UBN1: variants seen among roughly 807,000 people sequenced by gnomAD.
The protein encoded by UBN1 is ubinuclein-1.
In UBN1, 17 loss-of-function variants were observed where a neutral mutation model predicts 108.5. The observed-to-expected ratio is 0.16, with a 90% confidence interval of 0.11 to 0.24. The LOEUF (loss-of-function observed/expected upper bound fraction) is 0.24, where lower values mean the gene tolerates loss of function less well. Among genes scored for constraint, UBN1 ranks in the 10% least tolerant of loss-of-function variants. UBN1 has a pLI of 1.00. For missense variants in UBN1, 1,595 were observed against 1,394.4 expected, an observed-to-expected ratio of 1.14 and a Z score of -2.29; for synonymous variants, 726 against 564.2, an observed-to-expected ratio of 1.29 and a Z score of -4.07.
chr16:4,859,549 C>G (rs1384512115), intron 5 of UBN1, among the ~76,000 whole-genome samples: 5 of 152,196 alleles, frequency 3.3e-5, no homozygotes, highest in Non-Finnish European at 5.9e-5. Flanking sequence ...GCCTTAGGAT[C>G]AGTGTGTTTA....
chr16:4,857,922 G>T (rs2086887061), intron 2 of UBN1, 68 bp from the exon 3 acceptor site: 17 of 1,202,188 alleles, frequency 1.4e-5, no homozygotes, highest in South Asian at 6.4e-5. Flanking sequence ...AGTAATCAGT[G>T]AAGTTTCTAT....
chr16:4,882,121 C>G lies in UBN1; in HGVS notation c.*1989C>G, dbSNP rs2088090708. 1 of 152,500 alleles carries G rather than the reference C, an allele frequency of 6.6e-6. No individual in the cohort carries two copies. Among genetic ancestry groups the G allele is most frequent in the Non-Finnish European group, 1.5e-5 (1 of 68,038 alleles). 9.4% of individuals were successfully genotyped at this position (152,500 alleles called of 1,614,324 possible). A position where few individuals can be genotyped will look rare whatever the true frequency, so the allele number is the denominator to read the frequency against. On this transcript the variant is annotated 3_prime_UTR_variant, in exon 18 of 18. Coordinates refer to ENST00000262376, the MANE Select transcript of UBN1 (RefSeq NM_001079514.3). ...AGAGCGAATGACTGAACAGCCATGGCAAGGCAGACCTACAGGCGAGGCCGC... is the reference window on the plus strand; with the variant it reads ...AGAGCGAATGACTGAACAGCCATGGGAAGGCAGACCTACAGGCGAGGCCGC...
intron 2 of UBN1, among the ~76,000 whole-genome samples, chr16:4,855,335 C>G (rs2086751930): frequency 6.6e-6 from 1 of 151,994 alleles, no homozygotes; most frequent in South Asian, 2.1e-4. Flanking sequence ...GTTTTCTTGG[C>G]CTGGCATAGT....
chr16:4,880,144 G>T lies in UBN1; in HGVS notation c.*12G>T. 6.2e-7 allele frequency: 1 copy of T among 1,613,946 alleles called. No individual in the cohort carries two copies. Among genetic ancestry groups the T allele is most frequent in the Non-Finnish European group, 8.5e-7 (1 of 1,179,944 alleles). ...CACGGAAATTGTGACCGCTTCAGAG[G>T]CAAGGCTTGCCACTTGGGTCTGGGT... On this transcript the variant is annotated 3_prime_UTR_variant, in exon 18 of 18. Transcript: ENST00000262376.
Position 4,858,671 on chromosome 16 carries a change from G to C in UBN1, c.432+8G>C, listed in dbSNP as rs1174625640. 2 of 1,613,708 alleles carry C rather than the reference G, an allele frequency of 1.2e-6. No homozygotes were observed. Among genetic ancestry groups the C allele is most frequent in the Non-Finnish European group, 1.7e-6 (2 of 1,179,608 alleles). ...ATCGATAACTCTGAGGCGGTAAGTA[G>C]TTACTGAAAATGCCGTGTCAGACCC... On this transcript the variant is annotated splice_region_variant and intron_variant, in intron 4 of 17. Transcript: ENST00000262376.
At chr16:4,858,471 C>T in intron 3 of UBN1, 97 bp from the exon 4 acceptor site, 1 of 1,058,456 alleles carries the variant, frequency 9.4e-7, no homozygotes. Context: ...TTAGTTAGTG[C>T]ATTACCTCTT....
At position 4,874,531 on chromosome 16, in the gene UBN1, A is replaced by G; in HGVS notation, c.2121A>G (p.Gly707=). The G allele has an allele frequency of 6.2e-7, 1 of 1,614,206 alleles. No individual in the cohort carries two copies. Among genetic ancestry groups the G allele is most frequent in the Non-Finnish European group, 8.5e-7 (1 of 1,180,036 alleles). ...CAAAAGCACCTGCAGAAAAAGTTGG[A>G]GGCGTTTTATGTACAGAAGAAAAAA... ...APSKAPAEKV[G]GVLCTEEKRN... is the part of the protein sequence containing the mutation. Residue 707 remains glycine, a synonymous_variant, in exon 15 of 18, where the codon GGA becomes GGG. Coordinates refer to ENST00000262376, the MANE Select transcript of UBN1 (RefSeq NM_001079514.3).
At chr16:4,871,808 A>C (rs752652719) in intron 12 of UBN1, among the ~76,000 whole-genome samples, 10 of 151,922 alleles carry the variant, frequency 6.6e-5, no homozygotes, top group South Asian at 4.1e-4. Flanking sequence ...GGATGGTCTC[A>C]ATCTCCTGAC....
At chr16:4,872,296 C>G (rs963526122) in intron 12 of UBN1, 3 of 985,278 alleles carry the variant, frequency 3.0e-6, no homozygotes, top group Admixed American at 6.1e-5. Flanking sequence ...AAGGAAAGTG[C>G]TGTGCCCTTT....
intron 15 of UBN1, 92 bp from the exon 16 acceptor site, chr16:4,876,779 A>G (rs2087905912): frequency 4.7e-6 from 7 of 1,504,180 alleles, no homozygotes; most frequent in Non-Finnish European, 6.2e-6. Flanking sequence ...CTTTGTGGAC[A>G]CACAAGGAGG....
Position 4,868,830 on chromosome 16 carries a change from C to T in UBN1, c.1111-3C>T, listed in dbSNP as rs192019147. Reference sequence around the variant, plus strand: ...ACGGCTGTTACTGTCTGCTGTGCACCAGGCTGCCAGAGCTGCTGAGGGGGA... The same window carrying T: ...ACGGCTGTTACTGTCTGCTGTGCACTAGGCTGCCAGAGCTGCTGAGGGGGA... On this transcript the variant is annotated splice_region_variant and splice_polypyrimidine_tract_variant and intron_variant, in intron 7 of 17. Coordinates refer to ENST00000262376, the MANE Select transcript of UBN1 (RefSeq NM_001079514.3). 1 of 1,613,632 alleles carries T rather than the reference C, an allele frequency of 6.2e-7. No homozygotes were observed. The highest frequency in any genetic ancestry group is 2.2e-5 in the East Asian group (1 of 44,880).
intron 7 of UBN1, among the ~76,000 whole-genome samples, chr16:4,861,819 G>A (rs925716087): frequency 8.5e-5 from 13 of 152,306 alleles, no homozygotes; most frequent in Non-Finnish European, 1.6e-4. Context: ...GGCGCTCGCC[G>A]TAATCCCGGC....
chr16:4,852,826 T>A, intron 1 of UBN1, 53 bp from the exon 2 acceptor site: 1 of 1,463,976 alleles, frequency 6.8e-7, no homozygotes, highest in Non-Finnish European at 9.2e-7. Context: ...ATTAGGCAGG[T>A]AAACTATTTT....
chr16:4,851,022 A>G (rs1195318049), intron 1 of UBN1, among the ~76,000 whole-genome samples: 1 of 152,234 alleles, frequency 6.6e-6, no homozygotes, highest in East Asian at 1.9e-4. Flanking sequence ...AATATGACAC[A>G]TGGACTTCAG....
At position 4,859,533 on chromosome 16, in the gene UBN1, C is replaced by T. The variant is rs975378814; in HGVS notation, c.568-332C>T. On this transcript the variant is annotated intron_variant, in intron 5 of 17. Transcript: ENST00000262376. ...TCAGGGCTGCCATCCCACTGAAAAC[C>T]AGTCAGCCTTAGGATCAGTGTGTTT... 2.0e-5 allele frequency among the ~76,000 whole-genome samples: 3 copies of T among 152,218 alleles called. No individual in the cohort carries two copies. The East Asian group carries it at 5.8e-4, about 29-fold the overall frequency.
rs145223945 is a variant in UBN1, at chr16:4,873,208, A to C, written c.1800+135A>C. 1.5e-4 allele frequency: 188 copies of C among 1,295,854 alleles called. No individual in the cohort carries two copies. The African/African-American group carries it at 2.4e-3, about 16-fold the overall frequency. The allele number at this position is 1,295,854 out of a possible 1,614,324, so 80.3% of individuals were successfully genotyped here. ...ACAGCTGCTCAGGATGACATTCTTGAAGTCATAACAGGACAGAGACCCAAG... is the reference window on the plus strand; with the variant it reads ...ACAGCTGCTCAGGATGACATTCTTGCAGTCATAACAGGACAGAGACCCAAG... On this transcript the variant is annotated intron_variant, in intron 14 of 17. Transcript: ENST00000262376.
In UBN1 at chr16:4,872,939, G is replaced by T; in HGVS notation, c.1757+5G>T. On this transcript the variant is annotated splice_donor_5th_base_variant and intron_variant, in intron 13 of 17. Coordinates refer to ENST00000262376, the MANE Select transcript of UBN1 (RefSeq NM_001079514.3). ...TGGGCACCTGACTTCAATCCTGTGA[G>T]TGTCTTGGTATTTTCACATCTCGGG... is the stretch of plus-strand genomic sequence containing the variant. 6.2e-7 allele frequency: 1 copy of T among 1,614,232 alleles called. No homozygotes were observed. The highest frequency in any genetic ancestry group is 8.5e-7 in the Non-Finnish European group (1 of 1,180,040).
chr16:4,878,033 T>C (rs528129704), intron 17 of UBN1, among the ~76,000 whole-genome samples: 5 of 152,216 alleles, frequency 3.3e-5, no homozygotes, highest in South Asian at 2.1e-4. Context: ...CAGAACAGAT[T>C]TGTGGGAGCA....
chr16:4,858,851 AC>A (rs1567901555), intron 4 of UBN1, 173 bp from the exon 5 acceptor site: 1 of 997,446 alleles, frequency 1.0e-6, no homozygotes, highest in African/African-American at 1.6e-5. Flanking sequence ...GAAAGTGATG[AC>A]CAGATCTGTC....
Sources: gnomAD v4.1 joint callset for allele counts (sites outside exome capture counted in the v4.1 genomes callset) on GRCh38, gnomAD v4.1.1 for gene constraint, MANE v1.5 for transcripts, NCBI Gene and HGNC (gene_info 2026-07-23, HGNC 2026-07-21) for gene names.